The following FAF1 variants were observed in gnomAD, a reference collection of about 807,000 sequenced individuals.
The protein encoded by FAF1 is Fas associated factor 1.
A neutral mutation model predicts 92.5 loss-of-function variants in FAF1; 25 were observed. The observed-to-expected ratio is 0.27, with a 90% confidence interval of 0.20 to 0.38. The LOEUF (loss-of-function observed/expected upper bound fraction) is 0.38. FAF1 is among the 10% of genes least tolerant of loss of function. The pLI, the probability that FAF1 is intolerant of heterozygous loss-of-function variation, is 1.00. For synonymous variants in FAF1, 234 were observed against 273.2 expected, an observed-to-expected ratio of 0.86 and a Z score of 1.42; for missense variants, 636 against 793.3, an observed-to-expected ratio of 0.80 and a Z score of 2.38.
intron 9 of FAF1, among the ~76,000 whole-genome samples, chr1:50,587,994 C>G (rs1651319461): frequency 6.6e-6 from 1 of 152,160 alleles, no homozygotes; most frequent in South Asian, 2.1e-4. Flanking sequence ...ATGTTAAAAA[C>G]TAGGTATGTC....
At chr1:50,514,121 A>G (rs1036748400) in intron 15 of FAF1, among the ~76,000 whole-genome samples, 2 of 152,252 alleles carry the variant, frequency 1.3e-5, no homozygotes, top group Non-Finnish European at 2.9e-5. Context: ...GATTCTCCTT[A>G]GAGAAGAGCA....
chr1:50,671,492 A>G (rs565350452), intron 7 of FAF1, among the ~76,000 whole-genome samples: 1 of 152,292 alleles, frequency 6.6e-6, no homozygotes, highest in African/African-American at 2.4e-5. Context: ...TACATTCACA[A>G]AACGATTGCT....
chr1:50,712,926 C>T (rs1014199078), intron 6 of FAF1, among the ~76,000 whole-genome samples: 1 of 151,790 alleles, frequency 6.6e-6, no homozygotes, highest in Non-Finnish European at 1.5e-5. Context: ...CTTTGGGAGG[C>T]CAAGGTGGGT....
intron 18 of FAF1, among the ~76,000 whole-genome samples, chr1:50,449,769 T>C (rs1646272851): frequency 1.3e-5 from 2 of 151,866 alleles, no homozygotes; most frequent in African/African-American, 4.8e-5. Flanking sequence ...ATTACAGGCA[T>C]GAGCCACCGC....
intron 1 of FAF1, among the ~76,000 whole-genome samples, chr1:50,954,421 A>G (rs1292491046): frequency 6.6e-6 from 1 of 152,132 alleles, no homozygotes; most frequent in Non-Finnish European, 1.5e-5. Flanking sequence ...TCATGCCTAT[A>G]ATCTCAGCAC....
Position 50,906,400 on chromosome 1 carries a change from T to C in FAF1, c.46-48403A>G, listed in dbSNP as rs12068541. Among the ~76,000 whole-genome samples the C allele has an allele frequency of 1.0e-2, 1,516 of 152,342 alleles. 23 individuals carry two copies. Among genetic ancestry groups the C allele is most frequent in the African/African-American group, 0.035 (1,438 of 41,576 alleles). ...TCCATATGAACTTTAAAGTTCTTTT[T>C]TCCAATTCTGTGAAGAAAGTCATTG... is the stretch of plus-strand genomic sequence containing the variant. On this transcript the variant is annotated intron_variant, in intron 1 of 18. Transcript: ENST00000396153.
chr1:50,936,917 G>A (rs1208552460), intron 1 of FAF1, among the ~76,000 whole-genome samples: 39 of 152,068 alleles, frequency 2.6e-4, no homozygotes, highest in Admixed American at 2.6e-3. Context: ...ACCTGAAATA[G>A]GCTGAGAAGA....
At chr1:50,957,998 T>C (rs910784254) in intron 1 of FAF1, among the ~76,000 whole-genome samples, 1 of 152,090 alleles carries the variant, frequency 6.6e-6, no homozygotes, top group Non-Finnish European at 1.5e-5. Flanking sequence ...AAGACGATGA[T>C]GAAAAACTTA....
At chr1:50,606,300 TATTC>T (rs1449061532) in intron 8 of FAF1, among the ~76,000 whole-genome samples, 1 of 152,128 alleles carries the variant, frequency 6.6e-6, no homozygotes, top group African/African-American at 2.4e-5. Context: ...CCAAATATAT[TATTC>T]AGTCTTTTCC....
chr1:50,746,684 A>G (rs573428845), intron 4 of FAF1, among the ~76,000 whole-genome samples: 114 of 152,264 alleles, frequency 7.5e-4, no homozygotes, highest in Non-Finnish European at 1.5e-3. Flanking sequence ...AAGAAAAGCC[A>G]ATTTTCAGGG....
At chr1:50,732,941 G>C (rs1658991565) in intron 6 of FAF1, among the ~76,000 whole-genome samples, 1 of 149,698 alleles carries the variant, frequency 6.7e-6, no homozygotes. Flanking sequence ...CTTATATTTA[G>C]ATTTATGTTT....
intron 14 of FAF1, among the ~76,000 whole-genome samples, chr1:50,535,994 G>T (rs533960982): frequency 1.2e-4 from 19 of 152,246 alleles, no homozygotes; most frequent in Admixed American, 1.1e-3. Context: ...ACCAGAAGAG[G>T]CTGACTCGAA....
Position 50,515,643 on chromosome 1 carries a change from A to C in FAF1, c.1494+19726T>G, listed in dbSNP as rs925884807. Among the ~76,000 whole-genome samples the C allele has an allele frequency of 3.9e-5, 6 of 152,198 alleles. No homozygotes were observed. The South Asian group carries it at 8.3e-4, about 21-fold the overall frequency. On this transcript the variant is annotated intron_variant, in intron 15 of 18. Coordinates refer to ENST00000396153, the MANE Select transcript of FAF1 (RefSeq NM_007051.3). ...TCATACCTATCAAATTAGTTTCCTAAATTGCAAATCTAATCTTGCTAATTT... is the reference window on the plus strand; with the variant it reads ...TCATACCTATCAAATTAGTTTCCTACATTGCAAATCTAATCTTGCTAATTT...
intron 13 of FAF1, among the ~76,000 whole-genome samples, chr1:50,561,531 T>C (rs1164639119): frequency 1.3e-5 from 2 of 152,132 alleles, no homozygotes; most frequent in Non-Finnish European, 2.9e-5. Flanking sequence ...TACTTACTCT[T>C]TAAAAGGTAG....
intron 14 of FAF1, among the ~76,000 whole-genome samples, chr1:50,536,738 C>A (rs1484175274): frequency 6.6e-6 from 1 of 151,730 alleles, no homozygotes; most frequent in Non-Finnish European, 1.5e-5. Flanking sequence ...TAATCTAGTA[C>A]CTGGAAATTG....
intron 17 of FAF1, among the ~76,000 whole-genome samples, chr1:50,478,909 A>T (rs1406821598): frequency 2.0e-5 from 3 of 152,210 alleles, no homozygotes; most frequent in Non-Finnish European, 2.9e-5. Flanking sequence ...AAGTGCACAA[A>T]TCTTAAGTGT....
chr1:50,715,682 C>T (rs1235801259), intron 6 of FAF1, among the ~76,000 whole-genome samples: 1 of 152,102 alleles, frequency 6.6e-6, no homozygotes, highest in African/African-American at 2.4e-5. Context: ...CTGGGGAGAT[C>T]CCATTCCAAT....
At chr1:50,662,184 T>C (rs1424679930) in intron 7 of FAF1, among the ~76,000 whole-genome samples, 1 of 152,202 alleles carries the variant, frequency 6.6e-6, no homozygotes, top group Non-Finnish European at 1.5e-5. Context: ...ACTGGAGACA[T>C]TTCTTTTTCT....
intron 2 of FAF1, among the ~76,000 whole-genome samples, chr1:50,854,876 T>C (rs1208503194): frequency 6.6e-6 from 1 of 151,784 alleles, no homozygotes; most frequent in East Asian, 1.9e-4. Flanking sequence ...CCTAAATCTT[T>C]TGAGTGCCAA....
Sources: allele counts gnomAD v4.1 joint callset (sites outside exome capture counted in the v4.1 genomes callset), GRCh38; gene constraint gnomAD v4.1.1; transcripts MANE v1.5; gene names NCBI Gene and HGNC (gene_info 2026-07-23, HGNC 2026-07-21).